Variants in ADGRL3 observed in about 807,000 individuals in gnomAD.
ADGRL3 encodes the protein adhesion G protein-coupled receptor L3, also known as calcium-independent alpha-latrotoxin receptor 3.
A neutral mutation model predicts 153.5 loss-of-function variants in ADGRL3; 62 were observed. That is an observed-to-expected ratio of 0.40 (90% CI 0.33 to 0.50). The LOEUF (loss-of-function observed/expected upper bound fraction) is 0.50. Among genes scored for constraint, ADGRL3 ranks in the 20% least tolerant of loss-of-function variants. ADGRL3 has a pLI of 0.47. For missense variants in ADGRL3, 1,641 were observed against 1,859.4 expected (o/e 0.88, Z 2.16); for synonymous variants, 710 against 672.5 (o/e 1.06, Z -0.86).
chr4:61,218,975 G>A (rs1744142230), intron 1 of ADGRL3, among the ~76,000 whole-genome samples: 1 of 152,094 alleles, frequency 6.6e-6, no homozygotes, highest in Admixed American at 6.6e-5. Context: ...TATTATATTG[G>A]CTGCTCTATG....
At chr4:61,331,800 C>A (rs984027555) in intron 1 of ADGRL3, among the ~76,000 whole-genome samples, 1 of 151,964 alleles carries the variant, frequency 6.6e-6, no homozygotes, top group African/African-American at 2.4e-5. Flanking sequence ...TATATAATTA[C>A]ATTACGGTAT....
chr4:61,857,674 T>TCCTTCTTCCTTC (rs1554048497), intron 9 of ADGRL3, among the ~76,000 whole-genome samples: 1 of 133,048 alleles, frequency 7.5e-6, no homozygotes, highest in African/African-American at 3.6e-5. Flanking sequence ...TTTCTTCCTT[T>TCCTTCTTCCTTC]CTTTCTTCCT....
intron 2 of ADGRL3, among the ~76,000 whole-genome samples, chr4:61,409,344 AATAG>A (rs960359558): frequency 1.2e-4 from 12 of 102,450 alleles, no homozygotes; most frequent in Non-Finnish European, 2.4e-4. Flanking sequence ...AGACATATAT[AATAG>A]ATATATAATA....
At chr4:61,700,594 T>C (rs1396271526) in intron 6 of ADGRL3, among the ~76,000 whole-genome samples, 2 of 151,986 alleles carry the variant, frequency 1.3e-5, no homozygotes, top group African/African-American at 4.8e-5. Context: ...ACAAATGAGA[T>C]TGGGGTGAGG....
intron 2 of ADGRL3, among the ~76,000 whole-genome samples, chr4:61,394,107 C>A (rs745486299): frequency 1.3e-5 from 2 of 151,938 alleles, no homozygotes; most frequent in South Asian, 2.1e-4. Context: ...TCTAAGAGTA[C>A]GGTCATGGTA....
At chr4:61,510,517 T>C (rs2098457860) in intron 3 of ADGRL3, among the ~76,000 whole-genome samples, 1 of 152,088 alleles carries the variant, frequency 6.6e-6, no homozygotes, top group South Asian at 2.1e-4. Context: ...AAATAGGGAG[T>C]CATTTCCCCA....
chr4:61,956,966 G>C (rs183305516), intron 17 of ADGRL3, among the ~76,000 whole-genome samples: 1 of 152,084 alleles, frequency 6.6e-6, no homozygotes, highest in Non-Finnish European at 1.5e-5. Flanking sequence ...AAGTCAGGTA[G>C]CATGATGCTT....
At chr4:61,361,791 G>A (rs867040960) in intron 1 of ADGRL3, among the ~76,000 whole-genome samples, 2 of 151,954 alleles carry the variant, frequency 1.3e-5, no homozygotes, top group African/African-American at 2.4e-5. Flanking sequence ...ATTAATATTA[G>A]CAAAAAAGTT....
intron 9 of ADGRL3, among the ~76,000 whole-genome samples, chr4:61,821,809 T>C (rs1298538659): frequency 6.6e-6 from 1 of 152,222 alleles, no homozygotes; most frequent in Non-Finnish European, 1.5e-5. Flanking sequence ...AATTGAATTA[T>C]ATTCAGCAAA....
chr4:61,578,554 G>A (rs2098905798), intron 4 of ADGRL3, among the ~76,000 whole-genome samples: 1 of 151,318 alleles, frequency 6.6e-6, no homozygotes, highest in Non-Finnish European at 1.5e-5. Flanking sequence ...ATCTTTTATT[G>A]CTTTAACTAA....
chr4:61,598,628 G>A (rs542947030), intron 5 of ADGRL3, among the ~76,000 whole-genome samples: 296 of 152,154 alleles, frequency 1.9e-3, no homozygotes, highest in African/African-American at 6.9e-3. Context: ...AGCGCTGTTG[G>A]CATCCATGTG....
chr4:61,712,862 T>A (rs2096024902), intron 6 of ADGRL3, among the ~76,000 whole-genome samples: 1 of 152,220 alleles, frequency 6.6e-6, no homozygotes, highest in African/African-American at 2.4e-5. Flanking sequence ...ACATTTATGT[T>A]CTGCATTTCT....
chr4:61,803,958 C>T (rs1413105769), intron 8 of ADGRL3, among the ~76,000 whole-genome samples: 1 of 152,216 alleles, frequency 6.6e-6, no homozygotes, highest in African/African-American at 2.4e-5. Context: ...ATGCTGCAAA[C>T]ATAAAAGTAG....
chr4:61,521,178 G>A (rs1560776298), intron 4 of ADGRL3, among the ~76,000 whole-genome samples: 1 of 152,140 alleles, frequency 6.6e-6, no homozygotes, highest in Admixed American at 6.6e-5. Flanking sequence ...TGGTGGGTTA[G>A]AGAAGGTGCC....
intron 2 of ADGRL3, among the ~76,000 whole-genome samples, chr4:61,491,535 A>C (rs1475886327): frequency 6.6e-6 from 1 of 152,154 alleles, no homozygotes; most frequent in Non-Finnish European, 1.5e-5. Flanking sequence ...TGAAGTGACA[A>C]ATGATTAAAT....
In ADGRL3 at chr4:61,427,640, C is replaced by T. The variant is rs143616871; in HGVS notation, c.-174+44451C>T. 2.7e-4 allele frequency: 42 copies of T among 152,888 alleles called. 1 individual carries two copies. In the East Asian group the frequency reaches 5.6e-3, roughly 20 times the overall value. The allele number at this position is 152,888 out of a possible 1,614,324, so 9.5% of individuals were successfully genotyped here. ...TGGCTGTTCCTGCTCTATTTTCTGA[C>T]GGACCACTGGGTGAGCCTGCAGTGG... is the stretch of plus-strand genomic sequence containing the variant. On this transcript the variant is annotated intron_variant, in intron 2 of 26. Transcript: ENST00000683033.
chr4:61,798,055 C>A (rs2097436448), intron 8 of ADGRL3, among the ~76,000 whole-genome samples: 1 of 152,112 alleles, frequency 6.6e-6, no homozygotes, highest in South Asian at 2.1e-4. Context: ...GAAAAGGTAT[C>A]TTGATCTTTA....
chr4:61,743,117 T>G (rs4631083), intron 8 of ADGRL3, among the ~76,000 whole-genome samples: 151,637 of 151,656 alleles, frequency 1, 75,809 homozygotes, highest in Middle Eastern at 1. Context: ...TTAGAAGATC[T>G]AGACCATCCT....
rs1560665296 is a variant in ADGRL3, at chr4:61,456,471, CTATATCTATATATATAGA to C, written c.-173-40638_-173-40621del. On this transcript the variant is annotated intron_variant, in intron 2 of 26. Transcript: ENST00000683033. Reference sequence around the variant, plus strand: ...TCTATATCTATATATATAGATATATCTATATCTATATATATAGATATATCTATATCTATATATATATAA... The same window carrying C: ...TCTATATCTATATATATAGATATATCTATATCTATATCTATATATATATAA... 3.3e-3 allele frequency among the ~76,000 whole-genome samples: 365 copies of C among 110,534 alleles called. 2 individuals carry two copies. The highest frequency in any genetic ancestry group is 0.012 in the African/African-American group (337 of 28,272). The allele number at this position is 110,534 out of a possible 152,430, so 72.5% of individuals were successfully genotyped here.
Sources: gnomAD v4.1 joint callset for allele counts (sites outside exome capture counted in the v4.1 genomes callset) on GRCh38, gnomAD v4.1.1 for gene constraint, MANE v1.5 for transcripts, NCBI Gene and HGNC (gene_info 2026-07-23, HGNC 2026-07-21) for gene names.